The following ARHGAP15 variants were observed in gnomAD, a reference collection of about 807,000 sequenced individuals.
The protein encoded by ARHGAP15 is Rho GTPase activating protein 15.
In ARHGAP15, 51 loss-of-function variants were observed where a neutral mutation model predicts 63.7. The observed-to-expected ratio is 0.80, with a 90% CI of 0.64 to 1.01. ARHGAP15 has a LOEUF of 1.01. Ranked by LOEUF, ARHGAP15 falls within the 50% of genes least tolerant of loss-of-function variation. The probability of loss-of-function intolerance (pLI) is 0.00; values close to 1 mark genes in which losing one functional copy is unlikely to be tolerated. For synonymous variants in ARHGAP15, 191 were observed against 193.8 expected (o/e 0.99, Z 0.12); for missense variants, 560 against 564.6 (o/e 0.99, Z 0.08).
chr2:143,604,837 G>T (rs1025274283), intron 11 of ARHGAP15, among the ~76,000 whole-genome samples: 5 of 152,248 alleles, frequency 3.3e-5, no homozygotes, highest in Non-Finnish European at 1.5e-5. Flanking sequence ...TTGTAGTGAA[G>T]AAAAGAGAAA....
chr2:143,272,610 G>A (rs13015337), intron 6 of ARHGAP15, among the ~76,000 whole-genome samples: 40,927 of 152,008 alleles, frequency 0.27, 6,435 homozygotes, highest in Admixed American at 0.46. Context: ...CCGAAATTGC[G>A]CCACTGCACT....
chr2:143,478,985 A>G (rs1691952864), intron 8 of ARHGAP15, among the ~76,000 whole-genome samples: 1 of 152,230 alleles, frequency 6.6e-6, no homozygotes, highest in Admixed American at 6.5e-5. Flanking sequence ...GATTTAAAGA[A>G]GAAGCCTCAA....
intron 6 of ARHGAP15, among the ~76,000 whole-genome samples, chr2:143,329,658 T>C (rs1008768541): frequency 6.6e-6 from 1 of 152,146 alleles, no homozygotes; most frequent in Admixed American, 6.5e-5. Context: ...TTGGTGGCAA[T>C]TTGTTACACA....
At chr2:143,737,930 G>C (rs1490264213) in intron 13 of ARHGAP15, among the ~76,000 whole-genome samples, 2 of 151,912 alleles carry the variant, frequency 1.3e-5, no homozygotes, top group African/African-American at 4.8e-5. Flanking sequence ...CTAAATTTTT[G>C]TATTTTTAAT....
At chr2:143,142,083 T>G (rs1349083735) in intron 1 of ARHGAP15, among the ~76,000 whole-genome samples, 2 of 152,124 alleles carry the variant, frequency 1.3e-5, no homozygotes, top group Non-Finnish European at 2.9e-5. Flanking sequence ...GACATACTTT[T>G]CTGTTTTTTT....
At position 143,225,024 on chromosome 2, in the gene ARHGAP15, T is replaced by C. The variant is rs113997903; in HGVS notation, c.297-3557T>C. ...AAAAAAGAAATTATTCTTTGGCCAT[T>C]GTTGTAAAGTCATAATGTAGTTAGG... On this transcript the variant is annotated intron_variant, in intron 4 of 13. Coordinates refer to ENST00000295095, the MANE Select transcript of ARHGAP15 (RefSeq NM_018460.4). Among the ~76,000 whole-genome samples the C allele has an allele frequency of 2.6e-3, 392 of 152,294 alleles. 2 individuals carry two copies. Among genetic ancestry groups the C allele is most frequent in the African/African-American group, 9.1e-3 (379 of 41,550 alleles).
intron 6 of ARHGAP15, among the ~76,000 whole-genome samples, chr2:143,274,582 T>C (rs962929098): frequency 6.6e-6 from 1 of 152,234 alleles, no homozygotes; most frequent in African/African-American, 2.4e-5. Flanking sequence ...TCAGGTTGTA[T>C]GAATTAATTC....
Position 143,462,161 on chromosome 2 carries a change from A to G in ARHGAP15, c.703+25119A>G, listed in dbSNP as rs369231354. Reference sequence around the variant, plus strand: ...GGCAATAGAGCCAGAACTTGTCTCAATAAAATAAAATAGACTTATTACCAG... The same window carrying G: ...GGCAATAGAGCCAGAACTTGTCTCAGTAAAATAAAATAGACTTATTACCAG... On this transcript the variant is annotated intron_variant, in intron 8 of 13. Coordinates refer to ENST00000295095, the MANE Select transcript of ARHGAP15 (RefSeq NM_018460.4). 1.5e-4 allele frequency among the ~76,000 whole-genome samples: 23 copies of G among 152,300 alleles called. No individual in the cohort carries two copies. In the South Asian group the frequency reaches 2.3e-3, roughly 15 times the overall value.
chr2:143,313,471 CT>C (rs912953674), intron 6 of ARHGAP15, among the ~76,000 whole-genome samples: 2 of 152,120 alleles, frequency 1.3e-5, no homozygotes, highest in Non-Finnish European at 2.9e-5. Flanking sequence ...GTCATTTCCC[CT>C]GTGTCACCTC....
At chr2:143,352,743 C>T (rs1425815235) in intron 6 of ARHGAP15, among the ~76,000 whole-genome samples, 4 of 152,150 alleles carry the variant, frequency 2.6e-5, no homozygotes, top group Non-Finnish European at 4.4e-5. Flanking sequence ...ACCCAGCTCA[C>T]ATTGACCAAC....
intron 1 of ARHGAP15, among the ~76,000 whole-genome samples, chr2:143,139,420 T>A (rs1224739667): frequency 2.6e-5 from 4 of 152,132 alleles, no homozygotes; most frequent in Non-Finnish European, 5.9e-5. Context: ...CTTGTCTAGA[T>A]TATGGCAAAA....
intron 13 of ARHGAP15, among the ~76,000 whole-genome samples, chr2:143,735,452 T>C (rs1685706740): frequency 6.6e-6 from 1 of 152,212 alleles, no homozygotes. Flanking sequence ...GACTTAAAAA[T>C]CTTTCTCCCT....
chr2:143,354,578 A>T (rs1055974862), intron 6 of ARHGAP15, among the ~76,000 whole-genome samples: 17 of 152,102 alleles, frequency 1.1e-4, no homozygotes, highest in Non-Finnish European at 7.4e-5. Flanking sequence ...ATAAACACAG[A>T]TTGCTTAAAA....
chr2:143,741,650 T>C (rs1289703047), intron 13 of ARHGAP15, among the ~76,000 whole-genome samples: 5 of 152,220 alleles, frequency 3.3e-5, no homozygotes, highest in African/African-American at 1.2e-4. Flanking sequence ...AGACTATGAA[T>C]TGTATCTGCT....
At chr2:143,204,247 TCC>T (rs1474880347) in intron 3 of ARHGAP15, among the ~76,000 whole-genome samples, 1 of 152,126 alleles carries the variant, frequency 6.6e-6, no homozygotes, top group East Asian at 1.9e-4. Context: ...GTGGGAGTGA[TCC>T]TGTTAAAATG....
intron 11 of ARHGAP15, among the ~76,000 whole-genome samples, chr2:143,621,667 G>A (rs1029116127): frequency 6.6e-6 from 1 of 152,178 alleles, no homozygotes; most frequent in Non-Finnish European, 1.5e-5. Context: ...TCTATAGTAG[G>A]AATCTTGGTT....
At chr2:143,401,900 T>C (rs1688003268) in intron 6 of ARHGAP15, among the ~76,000 whole-genome samples, 1 of 152,010 alleles carries the variant, frequency 6.6e-6, no homozygotes, top group Non-Finnish European at 1.5e-5. Flanking sequence ...CATCATTAAA[T>C]GTGAAACATT....
In ARHGAP15 at chr2:143,684,477, C is replaced by CA. The variant is rs555961420; in HGVS notation, c.1139-18931dup. ...ATGGATCATCTCATCTCAGCAAAAA[C>CA]AAAAAAAAAAATCTTGACAGCATAA... is the stretch of plus-strand genomic sequence containing the variant. On this transcript the variant is annotated intron_variant, in intron 12 of 13. Transcript: ENST00000295095. Among the ~76,000 whole-genome samples, 101 of 145,044 alleles carry CA rather than the reference C, an allele frequency of 7.0e-4. 1 individual carries two copies. The highest frequency in any genetic ancestry group is 6.3e-3 in the South Asian group (29 of 4,598).
intron 9 of ARHGAP15, among the ~76,000 whole-genome samples, chr2:143,516,765 C>T (rs1693838285): frequency 6.6e-6 from 1 of 151,990 alleles, no homozygotes; most frequent in Non-Finnish European, 1.5e-5. Context: ...TATTTTATGT[C>T]ATTCTTTCTT....
Sources: gnomAD v4.1 joint callset for allele counts (sites outside exome capture counted in the v4.1 genomes callset) on GRCh38, gnomAD v4.1.1 for gene constraint, MANE v1.5 for transcripts, NCBI Gene and HGNC (gene_info 2026-07-23, HGNC 2026-07-21) for gene names.